Variants in ST6GAL2 observed in about 807,000 individuals in gnomAD.
The protein encoded by ST6GAL2 is ST6 beta-galactoside alpha-2,6-sialyltransferase 2.
In ST6GAL2, 24 loss-of-function variants were observed where a neutral mutation model predicts 37.5. The ratio of observed to expected loss-of-function variants is 0.64; its 90% CI spans 0.46 to 0.90. The LOEUF (loss-of-function observed/expected upper bound fraction) is 0.90. Ranked by LOEUF, ST6GAL2 falls within the 40% of genes least tolerant of loss-of-function variation. The pLI is 0.00. For synonymous variants in ST6GAL2, 306 were observed against 295.1 expected (o/e 1.04, Z -0.38); for missense variants, 715 against 712.7 (o/e 1.00, Z -0.04).
chr2:106,808,552 G>A (rs906977656), intron 5 of ST6GAL2, among the ~76,000 whole-genome samples: 6 of 152,076 alleles, frequency 3.9e-5, no homozygotes, highest in African/African-American at 1.4e-4. Context: ...CCTGGCTGCT[G>A]CCCCTCCCTT....
intron 1 of ST6GAL2, among the ~76,000 whole-genome samples, chr2:106,876,464 G>T (rs892818679): frequency 6.6e-6 from 1 of 152,050 alleles, no homozygotes; most frequent in Non-Finnish European, 1.5e-5. Flanking sequence ...TTCATTCCTG[G>T]TTAACTTTAC....
intron 1 of ST6GAL2, among the ~76,000 whole-genome samples, chr2:106,862,712 A>C (rs1194876860): frequency 6.6e-6 from 1 of 152,180 alleles, no homozygotes. Flanking sequence ...TATCAGTCTA[A>C]GTGAAAACAA....
chr2:106,884,782 G>A (rs1305078187), intron 1 of ST6GAL2, among the ~76,000 whole-genome samples: 1 of 151,232 alleles, frequency 6.6e-6, no homozygotes, highest in African/African-American at 2.4e-5. Flanking sequence ...TCCTCAAGTG[G>A]TATATAAAAA....
rs571838413 is a variant in ST6GAL2 at position 106,828,836 on chromosome 2, C to T, written c.1318+1230G>A. Among the ~76,000 whole-genome samples the T allele has an allele frequency of 3.2e-4, 48 of 151,984 alleles. No homozygotes were observed. The South Asian group carries it at 6.0e-3, about 19-fold the overall frequency. The stretch of plus-strand genomic sequence containing the variant: ...AGGATATTCCTTAATATTACCCACT[C>T]GGGTAATATCAAAGAAACAATGGGG... On this transcript the variant is annotated intron_variant, in intron 5 of 5. Coordinates refer to ENST00000409382, the MANE Select transcript of ST6GAL2 (RefSeq NM_001142351.2).
At chr2:106,860,066 A>G (rs1677736676) in intron 1 of ST6GAL2, among the ~76,000 whole-genome samples, 1 of 151,730 alleles carries the variant, frequency 6.6e-6, no homozygotes, top group African/African-American at 2.4e-5. Context: ...CTGCTCTAGA[A>G]CCCGGCTTGG....
intron 1 of ST6GAL2, among the ~76,000 whole-genome samples, chr2:106,856,306 C>T (rs6543449): frequency 0.1 from 15,665 of 152,150 alleles, 1,008 homozygotes; most frequent in Admixed American, 0.12. Flanking sequence ...AGGGTAACAA[C>T]CCTGGCTTCT....
At chr2:106,821,739 G>T (rs13034700) in intron 5 of ST6GAL2, among the ~76,000 whole-genome samples, 92,657 of 151,920 alleles carry the variant, frequency 0.61, 29,397 homozygotes, top group Non-Finnish European at 0.72. Flanking sequence ...TATCTTTGAT[G>T]AATATTGATT....
intron 1 of ST6GAL2, among the ~76,000 whole-genome samples, chr2:106,878,674 T>C (rs907811832): frequency 3.3e-5 from 5 of 152,262 alleles, no homozygotes; most frequent in Admixed American, 1.3e-4. Context: ...ATAAGTAACC[T>C]AGAAACAATT....
At chr2:106,817,196 A>G (rs1435683781) in intron 5 of ST6GAL2, among the ~76,000 whole-genome samples, 1 of 152,232 alleles carries the variant, frequency 6.6e-6, no homozygotes, top group African/African-American at 2.4e-5. Flanking sequence ...GCTCAGAGCC[A>G]GTGGACTTGG....
intron 1 of ST6GAL2, among the ~76,000 whole-genome samples, chr2:106,857,527 C>T (rs953515741): frequency 6.6e-6 from 1 of 152,094 alleles, no homozygotes; most frequent in Non-Finnish European, 1.5e-5. Flanking sequence ...TTGCTTAAAT[C>T]CAGGAGGCTG....
chr2:106,811,093 T>G (rs918610788), intron 5 of ST6GAL2, among the ~76,000 whole-genome samples: 2 of 152,142 alleles, frequency 1.3e-5, no homozygotes, highest in African/African-American at 4.8e-5. Flanking sequence ...GATCAATTCA[T>G]TTAGCATATG....
At chr2:106,830,378 C>T in intron 4 of ST6GAL2, 138 bp from the exon 5 acceptor site, 3 of 672,410 alleles carry the variant, frequency 4.5e-6, no homozygotes, top group Non-Finnish European at 7.6e-6. Flanking sequence ...ATGACATCTA[C>T]AGACACTTCC....
intron 1 of ST6GAL2, among the ~76,000 whole-genome samples, chr2:106,857,264 A>T (rs1394464116): frequency 6.6e-6 from 1 of 152,178 alleles, no homozygotes; most frequent in African/African-American, 2.4e-5. Context: ...TGTTGATTTT[A>T]ATAGAAGACT....
At chr2:106,879,269 T>C (rs534206334) in intron 1 of ST6GAL2, among the ~76,000 whole-genome samples, 1 of 152,316 alleles carries the variant, frequency 6.6e-6, no homozygotes, top group South Asian at 2.1e-4. Context: ...CAGCATGATG[T>C]GTTTTAACTC....
At chr2:106,845,913 C>G (rs1677124854) in intron 1 of ST6GAL2, among the ~76,000 whole-genome samples, 1 of 152,160 alleles carries the variant, frequency 6.6e-6, no homozygotes, top group Non-Finnish European at 1.5e-5. Context: ...AGGACATTCA[C>G]TCTGGGGGAA....
chr2:106,841,244 C>T (rs770267700), intron 2 of ST6GAL2: 3 of 152,160 alleles, frequency 2.0e-5, no homozygotes, highest in Non-Finnish European at 2.9e-5. Context: ...CACCCTATTC[C>T]GAGAGAACTC....
intron 5 of ST6GAL2, among the ~76,000 whole-genome samples, chr2:106,825,219 C>T (rs1390059421): frequency 6.6e-6 from 1 of 152,212 alleles, no homozygotes; most frequent in African/African-American, 2.4e-5. Context: ...ATCATAAAAA[C>T]ATTGGGCCTT....
At chr2:106,846,697 T>C (rs1677157028) in intron 1 of ST6GAL2, among the ~76,000 whole-genome samples, 1 of 152,266 alleles carries the variant, frequency 6.6e-6, no homozygotes, top group Non-Finnish European at 1.5e-5. Flanking sequence ...AGCAAGGCTA[T>C]AGATTTTATA....
chr2:106,856,823 C>A (rs1677594784), intron 1 of ST6GAL2, among the ~76,000 whole-genome samples: 1 of 152,176 alleles, frequency 6.6e-6, no homozygotes, highest in Admixed American at 6.5e-5. Context: ...AGAAAAAATG[C>A]ATTGGCAAGA....
Sources: allele counts gnomAD v4.1 joint callset (sites outside exome capture counted in the v4.1 genomes callset), GRCh38; gene constraint gnomAD v4.1.1; transcripts MANE v1.5; gene names NCBI Gene and HGNC (gene_info 2026-07-23, HGNC 2026-07-21).